TNPO1: variants seen among roughly 807,000 people sequenced by gnomAD.
The protein encoded by TNPO1 is transportin-1.
Under a neutral mutation model 119.5 loss-of-function variants are expected in TNPO1, and 8 were observed. That is an observed-to-expected ratio of 0.07 (90% CI 0.04 to 0.12). The LOEUF (loss-of-function observed/expected upper bound fraction) is 0.12, where lower values mean the gene tolerates loss of function less well. Among genes scored for constraint, TNPO1 ranks in the 10% least tolerant of loss-of-function variants. TNPO1 has a pLI of 1.00. For missense variants in TNPO1, 576 were observed against 1,089.8 expected, an observed-to-expected ratio of 0.53 and a Z score of 6.64; for synonymous variants, 362 against 363.0, an observed-to-expected ratio of 1.00 and a Z score of 0.03.
Position 72,909,352 on chromosome 5 carries a change from G to A in TNPO1, c.*679G>A, listed in dbSNP as rs1196905130. The A allele has an allele frequency of 6.6e-6, 1 of 150,544 alleles. No homozygotes were observed. The highest frequency in any genetic ancestry group is 1.5e-5 in the Non-Finnish European group (1 of 67,634). The allele number at this position is 150,544 out of a possible 1,614,324, so 9.3% of individuals were successfully genotyped here. A position where few individuals can be genotyped will look rare whatever the true frequency, so the allele number is the denominator to read the frequency against. On this transcript the variant is annotated 3_prime_UTR_variant, in exon 25 of 25. Transcript: ENST00000337273. ...TGAAGCACCCTGTGAAATGCCAAATGAGTCACTCCTTTTACCTTTTTTGGG... is the reference window on the plus strand; with the variant it reads ...TGAAGCACCCTGTGAAATGCCAAATAAGTCACTCCTTTTACCTTTTTTGGG...
intron 6 of TNPO1, chr5:72,871,676 G>A (rs961565853): frequency 6.6e-6 from 1 of 152,200 alleles, no homozygotes; most frequent in African/African-American, 2.4e-5. Flanking sequence ...TATGAAAGAT[G>A]GTGAAGGATG....
intron 1 of TNPO1, among the ~76,000 whole-genome samples, chr5:72,834,184 T>C (rs1420072016): frequency 6.6e-6 from 1 of 152,206 alleles, no homozygotes; most frequent in Non-Finnish European, 1.5e-5. Flanking sequence ...TATAAAAATA[T>C]AGCACATATG....
intron 4 of TNPO1, 41 bp from the exon 5 acceptor site, chr5:72,861,767 A>G: frequency 7.1e-7 from 1 of 1,398,916 alleles, no homozygotes; most frequent in South Asian, 1.2e-5. Flanking sequence ...TGCCTGACAT[A>G]ATGCTGTTGG....
intron 15 of TNPO1, among the ~76,000 whole-genome samples, chr5:72,892,703 T>C (rs58832480): frequency 0.17 from 25,954 of 152,036 alleles, 2,409 homozygotes; most frequent in African/African-American, 0.23. Flanking sequence ...TAATTGTTTT[T>C]CTAAATACTT....
At chr5:72,883,379 A>G in intron 11 of TNPO1, 147 bp downstream of exon 11, 2 of 617,920 alleles carry the variant, frequency 3.2e-6, no homozygotes, top group Admixed American at 5.6e-5. Flanking sequence ...CCATTACCAC[A>G]ATCAGTTGTA....
intron 1 of TNPO1, among the ~76,000 whole-genome samples, chr5:72,838,556 A>G (rs1042470214): frequency 1.9e-4 from 29 of 152,318 alleles, no homozygotes; most frequent in Admixed American, 1.6e-3. Context: ...CCTTAAATTC[A>G]GTAAGTATAG....
chr5:72,866,090 G>T (rs1489605405), intron 6 of TNPO1, among the ~76,000 whole-genome samples: 1 of 152,120 alleles, frequency 6.6e-6, no homozygotes, highest in Non-Finnish European at 1.5e-5. Context: ...GGATACATGT[G>T]CAGGTTTGTT....
At chr5:72,889,062 T>C (rs1226353543) in intron 13 of TNPO1, among the ~76,000 whole-genome samples, 2 of 152,174 alleles carry the variant, frequency 1.3e-5, no homozygotes, top group African/African-American at 4.8e-5. Context: ...AGGAAAATTT[T>C]ATTTTATTTT....
chr5:72,863,012 G>A (rs1746587105), intron 5 of TNPO1, among the ~76,000 whole-genome samples: 1 of 151,276 alleles, frequency 6.6e-6, no homozygotes, highest in Admixed American at 6.6e-5. Context: ...GTGTGTGTGT[G>A]TGTGTGTGTG....
chr5:72,859,565 G>A (rs1055729525), intron 4 of TNPO1, among the ~76,000 whole-genome samples: 2 of 152,068 alleles, frequency 1.3e-5, no homozygotes, highest in Admixed American at 6.6e-5. Context: ...ATACATGTTG[G>A]GAATCTTATC....
intron 4 of TNPO1, among the ~76,000 whole-genome samples, chr5:72,857,049 G>A (rs997737720): frequency 6.6e-6 from 1 of 152,090 alleles, no homozygotes; most frequent in African/African-American, 2.4e-5. Context: ...GACTGGGCAC[G>A]ATGGCTCACG....
intron 2 of TNPO1, among the ~76,000 whole-genome samples, chr5:72,850,196 C>T (rs1178367933): frequency 6.6e-6 from 1 of 152,132 alleles, no homozygotes; most frequent in Non-Finnish European, 1.5e-5. Context: ...TTTTGAAAGA[C>T]CGCTATAATA....
intron 1 of TNPO1, among the ~76,000 whole-genome samples, chr5:72,846,036 A>T (rs1418509562): frequency 6.6e-6 from 1 of 152,200 alleles, no homozygotes; most frequent in East Asian, 1.9e-4. Context: ...CTTCATGAAA[A>T]TTAAAAGAAT....
chr5:72,886,847 C>G (rs1390245811), intron 11 of TNPO1, among the ~76,000 whole-genome samples: 1 of 138,712 alleles, frequency 7.2e-6, no homozygotes, highest in East Asian at 2.3e-4. Flanking sequence ...CAAGATCGCA[C>G]CACTGCACTC....
chr5:72,866,369 G>A (rs1746901137), intron 6 of TNPO1, among the ~76,000 whole-genome samples: 1 of 152,094 alleles, frequency 6.6e-6, no homozygotes, highest in African/African-American at 2.4e-5. Flanking sequence ...AGGAGTTCAC[G>A]TTTCCAGGAA....
chr5:72,900,945 A>C (rs1156408714), intron 21 of TNPO1, 29 bp from the exon 22 acceptor site: 1 of 1,520,960 alleles, frequency 6.6e-7, no homozygotes, highest in Non-Finnish European at 9.1e-7. Flanking sequence ...TGTTACTTAA[A>C]TGCTAAACTC....
At chr5:72,816,843 C>T (rs1316120882) in intron 1 of TNPO1, 91 bp downstream of exon 1, 2 of 1,433,396 alleles carry the variant, frequency 1.4e-6, no homozygotes, top group African/African-American at 1.5e-5. Flanking sequence ...ACGGGAGAGA[C>T]GCCGGGCTCG....
At position 72,893,508 on chromosome 5, in the gene TNPO1, C is replaced by T. The variant is rs142672768; in HGVS notation, c.2028C>T (p.Ile676=). ...AACAGCTGGTAGCCCGAAGTAACAT[C>T]CTGACACTAATGTATCAGTGCATGC... ...NIEQLVARSN[I]LTLMYQCMQD... Residue 676 remains isoleucine (I), a synonymous_variant, in exon 17 of 25, where the codon ATC becomes ATT. Transcript: ENST00000337273. The T allele has an allele frequency of 1.1e-5, 18 of 1,614,148 alleles. No individual in the cohort carries two copies. Among genetic ancestry groups the T allele is most frequent in the Middle Eastern group, 3.3e-4 (2 of 6,062 alleles).
intron 24 of TNPO1, among the ~76,000 whole-genome samples, chr5:72,906,087 A>G (rs752515091): frequency 2.0e-5 from 3 of 151,942 alleles, no homozygotes; most frequent in Non-Finnish European, 4.4e-5. Context: ...GCAAGAAGAC[A>G]TCGGCACTCA....
Sources: gnomAD v4.1 joint callset for allele counts (sites outside exome capture counted in the v4.1 genomes callset) on GRCh38, gnomAD v4.1.1 for gene constraint, MANE v1.5 for transcripts, NCBI Gene and HGNC (gene_info 2026-07-23, HGNC 2026-07-21) for gene names.